The following ANK2 variants were observed in gnomAD, a reference collection of about 807,000 sequenced individuals.
The protein encoded by ANK2 is ankyrin 2, also known as ankyrin-2.
Under a neutral mutation model 360.5 loss-of-function variants are expected in ANK2, and 83 were observed. The ratio of observed to expected loss-of-function variants is 0.23; its 90% CI spans 0.19 to 0.28. ANK2 has a LOEUF of 0.28. ANK2 is among the 10% of genes least tolerant of loss of function. ANK2 has a pLI of 1.00. For missense variants in ANK2, 4,201 were observed against 4,795.7 expected (o/e 0.88, Z 3.66); for synonymous variants, 1,740 against 1,759.5 (o/e 0.99, Z 0.28).
At chr4:113,290,095 C>T (rs899474330) in intron 20 of ANK2, among the ~76,000 whole-genome samples, 2 of 151,782 alleles carry the variant, frequency 1.3e-5, no homozygotes, top group Admixed American at 1.3e-4. Context: ...TATCAATGGT[C>T]TCCCTGGAGT....
intron 1 of ANK2, among the ~76,000 whole-genome samples, chr4:112,887,500 A>C (rs1433601950): frequency 6.6e-6 from 1 of 152,224 alleles, no homozygotes; most frequent in Admixed American, 6.5e-5. Flanking sequence ...TTGTAACTTG[A>C]GGAGCATCTG....
the ANK2 span, among the ~76,000 whole-genome samples, chr4:112,774,208 T>G: frequency 6.6e-6 from 1 of 152,028 alleles, no homozygotes; most frequent in East Asian, 1.9e-4. Context: ...GGAAGGATCT[T>G]CTATCCATGT....
intron 2 of ANK2, among the ~76,000 whole-genome samples, chr4:112,933,128 A>T (rs996673339): frequency 1.8e-4 from 27 of 152,220 alleles, no homozygotes; most frequent in Non-Finnish European, 3.5e-4. Flanking sequence ...GGTTATATAA[A>T]CAAATGTACT....
At chr4:112,982,871 A>C (rs569018977) in intron 2 of ANK2, among the ~76,000 whole-genome samples, 1 of 152,362 alleles carries the variant, frequency 6.6e-6, no homozygotes, top group East Asian at 1.9e-4. Context: ...GGTTCAAGAA[A>C]AAAAGAGAGA....
At chr4:113,111,276 G>A (rs11731494) in intron 1 of ANK2, among the ~76,000 whole-genome samples, 29,401 of 152,018 alleles carry the variant, frequency 0.19, 2,915 homozygotes, top group Non-Finnish European at 0.22. Flanking sequence ...AGTTGACACT[G>A]TATAAATGTA....
intron 41 of ANK2, among the ~76,000 whole-genome samples, chr4:113,365,623 A>C (rs181627311): frequency 9.9e-5 from 15 of 151,902 alleles, no homozygotes; most frequent in African/African-American, 3.4e-4. Context: ...TTTCAGTGTT[A>C]AAGTTCCCCT....
intron 1 of ANK2, among the ~76,000 whole-genome samples, chr4:112,866,839 A>G (rs531450698): frequency 6.6e-6 from 1 of 152,128 alleles, no homozygotes; most frequent in Admixed American, 6.5e-5. Context: ...TTGTCTACTG[A>G]TAATCTTTTG....
rs2153688347 is a variant in ANK2, at chr4:113,274,527, G to A, written c.1561G>A (p.Ala521Thr). ...TGTCCAGCTGCTTCTACAACATATG[G>A]CTCATCCAGATGCGGCCACTACAAA... is the stretch of plus-strand genomic sequence containing the variant. ...EIVQLLLQHM[A>T]HPDAATTNGY... is the part of the protein sequence containing the mutation. Residue 521 changes from alanine to threonine, a missense_variant, in exon 15 of 46, where the codon GCT (alanine) becomes ACT (threonine). Ala to Thr is a moderately conservative substitution (Grantham distance 58). This residue lies in a region of ANK2 where 1,268 missense variants were observed against 1,650.8 expected (regional missense o/e 0.77). Coordinates refer to ENST00000357077, the MANE Select transcript of ANK2 (RefSeq NM_001148.6). The A allele has an allele frequency of 6.2e-7, 1 of 1,614,178 alleles. No individual in the cohort carries two copies. The highest frequency in any genetic ancestry group is 8.5e-7 in the Non-Finnish European group (1 of 1,180,046).
At chr4:113,174,801 T>A (rs2098131267) in intron 2 of ANK2, among the ~76,000 whole-genome samples, 1 of 152,222 alleles carries the variant, frequency 6.6e-6, no homozygotes, top group African/African-American at 2.4e-5. Flanking sequence ...CCAAGAATGA[T>A]GTTTTACTTC....
the ANK2 span, among the ~76,000 whole-genome samples, chr4:112,710,702 A>G: frequency 6.6e-6 from 1 of 151,914 alleles, no homozygotes; most frequent in African/African-American, 2.4e-5. Flanking sequence ...CATCTCAAAA[A>G]AAAAAAAAAT....
upstream of ANK2, among the ~76,000 whole-genome samples, chr4:112,814,546 C>G (rs1232236960): frequency 6.6e-6 from 1 of 152,102 alleles, no homozygotes; most frequent in Non-Finnish European, 1.5e-5. Context: ...TCCCTGGGCT[C>G]AGGGGATCCT....
At chr4:112,724,552 C>CACAT in the ANK2 span, among the ~76,000 whole-genome samples, 5 of 132,056 alleles carry the variant, frequency 3.8e-5, no homozygotes, top group African/African-American at 1.2e-4. Flanking sequence ...TAGACACACA[C>CACAT]ACATACACAC....
In ANK2 at chr4:113,191,896, C is replaced by T. The variant is rs556247236; in HGVS notation, c.187-4472C>T. ...TGTGCCCGTGTTCTTCACTCTGCCA[C>T]CGTCCCTCTCAGAACCCCAAATGTG... is the stretch of plus-strand genomic sequence containing the variant. On this transcript the variant is annotated intron_variant, in intron 2 of 45. Transcript: ENST00000357077. Among the ~76,000 whole-genome samples, 14 of 152,266 alleles carry T rather than the reference C, an allele frequency of 9.2e-5. No homozygotes were observed. In the South Asian group the frequency reaches 2.9e-3, roughly 32 times the overall value.
In ANK2 at chr4:113,374,673, G is replaced by C. The variant is rs550032357; in HGVS notation, c.11859+1224G>C. The C allele has an allele frequency of 6.9e-6, 6 of 866,552 alleles. No individual in the cohort carries two copies. The South Asian group carries it at 2.6e-4, about 38-fold the overall frequency. The allele number at this position is 866,552 out of a possible 1,614,324, so 53.7% of individuals were successfully genotyped here. A position where few individuals can be genotyped will look rare whatever the true frequency, so the allele number is the denominator to read the frequency against. On this transcript the variant is annotated intron_variant, in intron 45 of 45. Coordinates refer to ENST00000357077, the MANE Select transcript of ANK2 (RefSeq NM_001148.6). ...TGGAAAGCCAGTATGTAACTTTATA[G>C]TTTTGTCCTTTGTTTTTTAACATAG...
chr4:112,943,336 C>T (rs943170628), intron 2 of ANK2, among the ~76,000 whole-genome samples: 4 of 151,870 alleles, frequency 2.6e-5, no homozygotes, highest in Admixed American at 2.0e-4. Flanking sequence ...TCCTTTCTAC[C>T]CTCCCTCCCT....
At chr4:113,315,687 A>G (rs2082386766) in intron 24 of ANK2, among the ~76,000 whole-genome samples, 1 of 152,142 alleles carries the variant, frequency 6.6e-6, no homozygotes. Context: ...TCACGAGGTC[A>G]GGAGATCGAG....
the ANK2 span, among the ~76,000 whole-genome samples, chr4:112,729,547 G>A: frequency 6.6e-6 from 1 of 152,044 alleles, no homozygotes; most frequent in Non-Finnish European, 1.5e-5. Context: ...CCTGAGGTCA[G>A]GAGTTCGAGA....
chr4:113,241,009 T>G (rs550855528), intron 8 of ANK2, among the ~76,000 whole-genome samples: 2 of 152,218 alleles, frequency 1.3e-5, no homozygotes, highest in African/African-American at 4.8e-5. Context: ...TTTGTTCACA[T>G]GAAGTCTTAC....
In ANK2 at chr4:113,356,619, A is replaced by C. The variant is rs1278548395; in HGVS notation, c.8001A>C (p.Glu2667Asp). ...SRKVSSSSES[E>D]PELAQLKKGA... ...AGGTGTCTTCCTCCTCAGAAAGTGA[A>C]CCTGAGTTGGCACAGCTTAAAAAAG... The change falls in exon 38 of 46, where the codon GAA becomes GAC. Residue 2667 changes from glutamate (E) to aspartate (D), a missense_variant. Glu to Asp is a conservative substitution (Grantham distance 45, BLOSUM62 2). Around this residue, in one of 4 missense-constraint regions of ANK2, gnomAD observed 2,642 missense variants for 2,714.5 expected, o/e 0.97. Coordinates refer to ENST00000357077, the MANE Select transcript of ANK2 (RefSeq NM_001148.6). 6.2e-7 allele frequency: 1 copy of C among 1,614,044 alleles called. No homozygotes were observed.
Sources: gnomAD v4.1 joint callset for allele counts (sites outside exome capture counted in the v4.1 genomes callset) on GRCh38, gnomAD v4.1.1 for gene constraint, gnomAD v4.1.1 regional missense constraint, MANE v1.5 for transcripts, NCBI Gene and HGNC (gene_info 2026-07-23, HGNC 2026-07-21) for gene names.